UNC13C: variants seen among roughly 807,000 people sequenced by gnomAD.
The protein encoded by UNC13C is protein unc-13 homolog C.
Under a neutral mutation model 245.4 loss-of-function variants are expected in UNC13C, and 174 were observed. The observed-to-expected ratio is 0.71, with a 90% CI of 0.63 to 0.80. The LOEUF (loss-of-function observed/expected upper bound fraction) is 0.80, where lower values mean the gene tolerates loss of function less well. UNC13C is among the 30% of genes least tolerant of loss of function. The probability of loss-of-function intolerance (pLI) is 0.00; values close to 1 mark genes in which losing one functional copy is unlikely to be tolerated. For missense variants in UNC13C, 2,829 were observed against 2,602.9 expected, an observed-to-expected ratio of 1.09 and a Z score of -1.89; for synonymous variants, 992 against 895.1, an observed-to-expected ratio of 1.11 and a Z score of -1.93.
At chr15:54,073,526 C>T (rs1247463949) in intron 2 of UNC13C, among the ~76,000 whole-genome samples, 1 of 152,204 alleles carries the variant, frequency 6.6e-6, no homozygotes, top group Non-Finnish European at 1.5e-5. Flanking sequence ...CATTTCTCCA[C>T]ATCCTCTCCA....
At chr15:54,019,944 T>TA (rs1330962403) in intron 2 of UNC13C, among the ~76,000 whole-genome samples, 11 of 152,342 alleles carry the variant, frequency 7.2e-5, no homozygotes, top group Middle Eastern at 3.4e-3. Context: ...CATATGCCTT[T>TA]AAATTACACG....
chr15:54,047,845 C>T (rs1897106120), intron 2 of UNC13C, among the ~76,000 whole-genome samples: 1 of 152,000 alleles, frequency 6.6e-6, no homozygotes. Context: ...TTAAATAGTT[C>T]AATGTTTTAT....
the UNC13C span, among the ~76,000 whole-genome samples, chr15:53,957,957 T>G: frequency 6.6e-6 from 1 of 151,194 alleles, no homozygotes; most frequent in Admixed American, 6.6e-5. Context: ...GGCTCAGATT[T>G]TTTTGTTTGT....
chr15:54,528,469 A>T (rs1327970820), intron 25 of UNC13C, among the ~76,000 whole-genome samples: 1 of 151,834 alleles, frequency 6.6e-6, no homozygotes, highest in Non-Finnish European at 1.5e-5. Flanking sequence ...ATTTACTGGC[A>T]CTACTTTTAT....
chr15:54,072,528 A>T (rs1385980624), intron 2 of UNC13C, among the ~76,000 whole-genome samples: 2 of 152,194 alleles, frequency 1.3e-5, no homozygotes, highest in Non-Finnish European at 2.9e-5. Context: ...ACCCCATGTT[A>T]CTATGATATG....
At chr15:54,256,720 C>T (rs907280336) in intron 8 of UNC13C, among the ~76,000 whole-genome samples, 3 of 152,118 alleles carry the variant, frequency 2.0e-5, no homozygotes, top group Admixed American at 6.5e-5. Context: ...GAGTTTGGTA[C>T]TATCTGCGGT....
intron 1 of UNC13C, among the ~76,000 whole-genome samples, chr15:53,993,827 G>C (rs1453169365): frequency 6.6e-6 from 1 of 152,032 alleles, no homozygotes; most frequent in Non-Finnish European, 1.5e-5. Context: ...TATAGCTGTA[G>C]TCAAGGCCTC....
At chr15:54,146,461 A>G (rs762629233) in intron 4 of UNC13C, among the ~76,000 whole-genome samples, 1 of 152,208 alleles carries the variant, frequency 6.6e-6, no homozygotes, top group Non-Finnish European at 1.5e-5. Context: ...CTGCTTTCTG[A>G]TTTCTGCTTA....
At chr15:54,542,287 G>A (rs1235025107) in intron 26 of UNC13C, among the ~76,000 whole-genome samples, 3 of 152,064 alleles carry the variant, frequency 2.0e-5, no homozygotes, top group East Asian at 1.9e-4. Flanking sequence ...AGGTTGTTCA[G>A]CTTCCATGTA....
the UNC13C span, among the ~76,000 whole-genome samples, chr15:53,879,536 G>C: frequency 2.0e-5 from 3 of 152,208 alleles, no homozygotes; most frequent in East Asian, 5.8e-4. Flanking sequence ...GGAACTTGGT[G>C]CTTGCAGCTC....
chr15:54,104,674 T>A (rs767765807), intron 2 of UNC13C, among the ~76,000 whole-genome samples: 12 of 147,348 alleles, frequency 8.1e-5, no homozygotes, highest in Non-Finnish European at 1.8e-4. Flanking sequence ...TTTCTCTAAA[T>A]AATTATATTT....
chr15:53,841,750 G>A, the UNC13C span, among the ~76,000 whole-genome samples: 1 of 152,094 alleles, frequency 6.6e-6, no homozygotes, highest in African/African-American at 2.4e-5. Flanking sequence ...ATCGTCAGGG[G>A]TCTCATGTGG....
the UNC13C span, among the ~76,000 whole-genome samples, chr15:53,924,303 A>G: frequency 2.0e-5 from 3 of 152,186 alleles, no homozygotes; most frequent in African/African-American, 7.2e-5. Flanking sequence ...CGGTGTTGCC[A>G]TTTACCAGCT....
the UNC13C span, among the ~76,000 whole-genome samples, chr15:53,870,787 T>C: frequency 2.0e-5 from 3 of 152,124 alleles, no homozygotes; most frequent in Non-Finnish European, 4.4e-5. Context: ...GTTTAAGAAG[T>C]TTGGCCAAGG....
chr15:54,167,555 T>G (rs1326245047), intron 4 of UNC13C, among the ~76,000 whole-genome samples: 1 of 99,066 alleles, frequency 1.0e-5, no homozygotes, highest in African/African-American at 3.9e-5. Flanking sequence ...CTTGAACAGA[T>G]GGTGCTAGAA....
At chr15:54,379,921 A>G (rs1389079685) in intron 17 of UNC13C, among the ~76,000 whole-genome samples, 1 of 152,186 alleles carries the variant, frequency 6.6e-6, no homozygotes, top group East Asian at 1.9e-4. Flanking sequence ...GGATATATAC[A>G]TTGTGAAATG....
At chr15:53,996,929 G>A (rs567091425) in intron 1 of UNC13C, among the ~76,000 whole-genome samples, 40 of 151,348 alleles carry the variant, frequency 2.6e-4, no homozygotes, top group African/African-American at 9.0e-4. Flanking sequence ...TCATGGGTGA[G>A]TACTTAAGAA....
chr15:54,564,686 T>G (rs923051040), intron 29 of UNC13C, among the ~76,000 whole-genome samples: 1 of 152,122 alleles, frequency 6.6e-6, no homozygotes, highest in Non-Finnish European at 1.5e-5. Flanking sequence ...CCCAGTGATA[T>G]AGGTGTCCTA....
chr15:54,599,574 T>C (rs991403591), intron 30 of UNC13C, among the ~76,000 whole-genome samples: 4 of 152,142 alleles, frequency 2.6e-5, no homozygotes, highest in African/African-American at 9.7e-5. Flanking sequence ...TTGTTCATTA[T>C]GGATCTAGGG....
Sources: gnomAD v4.1 joint callset for allele counts (sites outside exome capture counted in the v4.1 genomes callset) on GRCh38, gnomAD v4.1.1 for gene constraint, MANE v1.5 for transcripts, NCBI Gene and HGNC (gene_info 2026-07-23, HGNC 2026-07-21) for gene names.